TBC1D1: variants seen among roughly 807,000 people sequenced by gnomAD.
TBC1D1 encodes TBC1 (tre-2/USP6, BUB2, cdc16) domain family, member 1.
In TBC1D1, 89 loss-of-function variants were observed where a neutral mutation model predicts 125.6. That is an observed-to-expected ratio of 0.71 (90% CI 0.60 to 0.85). The LOEUF (loss-of-function observed/expected upper bound fraction) is 0.85. Among genes scored for constraint, TBC1D1 ranks in the 40% least tolerant of loss-of-function variants. The pLI is 0.00. For synonymous variants in TBC1D1, 565 were observed against 564.1 expected, an observed-to-expected ratio of 1.00 and a Z score of -0.02; for missense variants, 1,377 against 1,469.2, an observed-to-expected ratio of 0.94 and a Z score of 1.03.
chr4:37,951,160 A>G (rs184538890), intron 2 of TBC1D1, among the ~76,000 whole-genome samples: 15 of 152,280 alleles, frequency 9.9e-5, no homozygotes, highest in Non-Finnish European at 1.9e-4. Context: ...TTGAAAATAT[A>G]TTGTCCTTTG....
chr4:37,979,877 T>C (rs554290021), intron 2 of TBC1D1, among the ~76,000 whole-genome samples: 2 of 152,336 alleles, frequency 1.3e-5, no homozygotes, highest in East Asian at 3.9e-4. Context: ...GCTCCTGGGT[T>C]CAAGTGATTC....
intron 15 of TBC1D1, chr4:38,112,055 C>T: frequency 1.0e-6 from 1 of 985,378 alleles, no homozygotes; most frequent in Non-Finnish European, 1.2e-6. Flanking sequence ...TAAAGAAAAT[C>T]AATGACAGTT....
intron 12 of TBC1D1, among the ~76,000 whole-genome samples, chr4:38,056,119 TCC>T (rs989385642): frequency 2.0e-5 from 3 of 152,198 alleles, no homozygotes; most frequent in Non-Finnish European, 2.9e-5. Context: ...GCATCCTGCC[TCC>T]CTGTCCTCTG....
chr4:37,933,058 A>C lies in TBC1D1; in HGVS notation c.417+30546A>C, dbSNP rs529967012. 7.2e-5 allele frequency among the ~76,000 whole-genome samples: 11 copies of C among 151,752 alleles called. No homozygotes were observed. In the South Asian group the frequency reaches 2.3e-3, roughly 32 times the overall value. On this transcript the variant is annotated intron_variant, in intron 2 of 19. Transcript: ENST00000261439. ...CAGACTGAGACTCCATTTAAAAACA[A>C]AAAAACAAAAAAACAAAAAAAACTT...
At chr4:38,102,306 TTCTC>T (rs1370827727) in intron 14 of TBC1D1, among the ~76,000 whole-genome samples, 3 of 150,674 alleles carry the variant, frequency 2.0e-5, no homozygotes, top group African/African-American at 7.5e-5. Context: ...TTCCTTTTGA[TTCTC>T]TCTGCTTTCT....
intron 2 of TBC1D1, among the ~76,000 whole-genome samples, chr4:37,986,242 C>A (rs1216745962): frequency 6.6e-6 from 1 of 151,980 alleles, no homozygotes; most frequent in Non-Finnish European, 1.5e-5. Context: ...GAACTGACAC[C>A]CAGAGCGATG....
chr4:37,938,713 C>A (rs1357692078), intron 2 of TBC1D1, among the ~76,000 whole-genome samples: 1 of 152,012 alleles, frequency 6.6e-6, no homozygotes, highest in Non-Finnish European at 1.5e-5. Context: ...GTGTGATGTT[C>A]CCCTTCCTGT....
chr4:37,990,131 G>T (rs1391488003), intron 2 of TBC1D1, among the ~76,000 whole-genome samples: 1 of 152,186 alleles, frequency 6.6e-6, no homozygotes, highest in African/African-American at 2.4e-5. Context: ...GACGTTATTT[G>T]CTTAGGGACA....
In TBC1D1 at chr4:38,115,649, G is replaced by A. The variant is rs972047942; in HGVS notation, c.2558-61G>A. On this transcript the variant is annotated intron_variant, in intron 15 of 19. Transcript: ENST00000261439. ...TTAATCTGAAGCACATTGGATTTCT[G>A]GTTCAATAGGCTTTCTTTTTTTGTT... 2.6e-6 allele frequency: 4 copies of A among 1,540,426 alleles called. No homozygotes were observed. In the East Asian group the frequency reaches 9.0e-5, roughly 35 times the overall value.
At position 38,027,857 on chromosome 4, in the gene TBC1D1, C is replaced by T. The variant is rs761530736; in HGVS notation, c.1280C>T (p.Ala427Val). 76 of 1,612,568 alleles carry T rather than the reference C, an allele frequency of 4.7e-5. No individual in the cohort carries two copies. The highest frequency in any genetic ancestry group is 1.7e-4 in the South Asian group (15 of 90,892). The change falls in exon 7 of 20, where the codon GCG becomes GTG. Residue 427 changes from alanine (A) to valine (V), a missense_variant. By Grantham distance (64) the Ala-to-Val change is moderately conservative. Coordinates refer to ENST00000261439, the MANE Select transcript of TBC1D1 (RefSeq NM_015173.4). ...ACGACATTAACCAATCAGGAGCAGGCGACTATTTTTGAAGAGGTTCAGGTA... is the reference window on the plus strand; with the variant it reads ...ACGACATTAACCAATCAGGAGCAGGTGACTATTTTTGAAGAGGTTCAGGTA...
chr4:37,943,433 TC>T (rs1349579201), intron 2 of TBC1D1, among the ~76,000 whole-genome samples: 5 of 152,230 alleles, frequency 3.3e-5, no homozygotes, highest in African/African-American at 1.2e-4. Flanking sequence ...CAGAGTATTT[TC>T]CAACTTGGTT....
intron 2 of TBC1D1, among the ~76,000 whole-genome samples, chr4:37,966,250 C>T (rs1731032993): frequency 6.6e-6 from 1 of 152,210 alleles, no homozygotes; most frequent in Admixed American, 6.5e-5. Context: ...CTGCCTCACA[C>T]AGAGAAAGAC....
intron 2 of TBC1D1, among the ~76,000 whole-genome samples, chr4:37,991,298 G>C (rs531381074): frequency 6.6e-6 from 1 of 152,356 alleles, no homozygotes; most frequent in African/African-American, 2.4e-5. Context: ...CTGGGTGCCA[G>C]AGATTTGGCT....
intron 11 of TBC1D1, among the ~76,000 whole-genome samples, chr4:38,050,996 T>G (rs1750425410): frequency 6.6e-6 from 1 of 152,250 alleles, no homozygotes; most frequent in Admixed American, 6.5e-5. Flanking sequence ...TGTAGCTGTG[T>G]AAGTTTCTTG....
At chr4:38,055,134 C>T (rs1325853291) in intron 12 of TBC1D1, 1 of 152,208 alleles carries the variant, frequency 6.6e-6, no homozygotes, top group African/African-American at 2.4e-5. Context: ...GGAGCCCGCC[C>T]TTCCTTGGTG....
At chr4:38,055,885 G>A (rs1208449945) in intron 12 of TBC1D1, among the ~76,000 whole-genome samples, 1 of 152,216 alleles carries the variant, frequency 6.6e-6, no homozygotes, top group African/African-American at 2.4e-5. Context: ...GAGGAGGAAC[G>A]AAGCTGATTC....
intron 14 of TBC1D1, among the ~76,000 whole-genome samples, chr4:38,100,518 CCTTA>C (rs1760120506): frequency 6.6e-6 from 1 of 152,178 alleles, no homozygotes; most frequent in Non-Finnish European, 1.5e-5. Context: ...CTCCCAAAGT[CCTTA>C]CTTAATTATA....
At chr4:37,972,653 C>A (rs540038384) in intron 2 of TBC1D1, among the ~76,000 whole-genome samples, 1 of 151,888 alleles carries the variant, frequency 6.6e-6, no homozygotes, top group South Asian at 2.1e-4. Context: ...TGCCTGTAAT[C>A]CCAGCACTTT....
intron 11 of TBC1D1, 116 bp downstream of exon 12, chr4:38,052,176 T>TGTGTGTGTGTGTGG: frequency 2.7e-6 from 1 of 374,066 alleles, no homozygotes; most frequent in South Asian, 4.1e-5. Context: ...ACTGTGTGTG[T>TGTGTGTGTGTGTGG]GTGTGTGTGT....
Sources: allele counts gnomAD v4.1 joint callset (sites outside exome capture counted in the v4.1 genomes callset), GRCh38; gene constraint gnomAD v4.1.1; transcripts MANE v1.5; gene names NCBI Gene and HGNC (gene_info 2026-07-23, HGNC 2026-07-21).